The following USP34 variants were observed in gnomAD, a reference collection of about 807,000 sequenced individuals.
USP34 encodes ubiquitin specific peptidase 34.
A neutral mutation model predicts 460.3 loss-of-function variants in USP34; 70 were observed. That is an observed-to-expected ratio of 0.15 (90% CI 0.13 to 0.19). The LOEUF (loss-of-function observed/expected upper bound fraction) is 0.19, where lower values mean the gene tolerates loss of function less well. Ranked by LOEUF, USP34 falls within the 10% of genes least tolerant of loss-of-function variation. The probability of loss-of-function intolerance (pLI) is 1.00; values close to 1 mark genes in which losing one functional copy is unlikely to be tolerated. For missense variants in USP34, 3,985 were observed against 4,236.2 expected, an observed-to-expected ratio of 0.94 and a Z score of 1.65; for synonymous variants, 1,647 against 1,405.3, an observed-to-expected ratio of 1.17 and a Z score of -3.85.
intron 10 of USP34, among the ~76,000 whole-genome samples, chr2:61,360,795 A>G (rs190603459): frequency 1.0e-3 from 156 of 152,236 alleles, no homozygotes; most frequent in Middle Eastern, 3.4e-3. Flanking sequence ...AGCTGGGACT[A>G]CAGGGACGTA....
At chr2:61,344,525 A>T (rs968147010) in intron 15 of USP34, among the ~76,000 whole-genome samples, 4 of 152,244 alleles carry the variant, frequency 2.6e-5, no homozygotes, top group African/African-American at 9.6e-5. Context: ...AAAATGATTT[A>T]AAAAATCGAA....
chr2:61,405,260 AAG>A (rs1693836951), intron 3 of USP34, among the ~76,000 whole-genome samples: 1 of 149,476 alleles, frequency 6.7e-6, no homozygotes, highest in Admixed American at 6.7e-5. Context: ...AAAAAAAAGA[AAG>A]AAAGAAAGAA....
intron 41 of USP34, among the ~76,000 whole-genome samples, chr2:61,267,355 T>C (rs1033442233): frequency 6.6e-6 from 1 of 152,172 alleles, no homozygotes; most frequent in Admixed American, 6.5e-5. Flanking sequence ...ACCTCACCTC[T>C]TTCATCTATT....
intron 41 of USP34, 51 bp downstream of exon 41, chr2:61,278,114 A>G: frequency 1.9e-6 from 3 of 1,597,904 alleles, no homozygotes; most frequent in Non-Finnish European, 2.6e-6. Flanking sequence ...ATGTAACAAC[A>G]AAAAATTTCA....
At chr2:61,369,103 A>C (rs1302265705) in intron 10 of USP34, among the ~76,000 whole-genome samples, 1 of 152,234 alleles carries the variant, frequency 6.6e-6, no homozygotes, top group African/African-American at 2.4e-5. Context: ...CGCAAATTTA[A>C]AATACCAATG....
intron 1 of USP34, among the ~76,000 whole-genome samples, chr2:61,449,939 G>A (rs376700534): frequency 1.3e-5 from 2 of 152,206 alleles, no homozygotes; most frequent in Non-Finnish European, 2.9e-5. Context: ...GGTGGCGCAC[G>A]CCTGTAGTCC....
rs913104813 is a variant in USP34, at chr2:61,236,679, T to C, written c.6778-290A>G. On this transcript the variant is annotated intron_variant, in intron 53 of 79. Transcript: ENST00000398571. ...TCCTATTTGAAGAGCAAGTATATAA[T>C]TGAATGAAATATAAGTCATGTTACA... 1.9e-4 allele frequency among the ~76,000 whole-genome samples: 29 copies of C among 152,320 alleles called. 1 individual carries two copies. The highest frequency in any genetic ancestry group is 4.6e-4 in the Admixed American group (7 of 15,308).
chr2:61,317,817 C>T (rs1027664968), intron 22 of USP34, 50 bp from the exon 23 acceptor site: 2 of 1,365,538 alleles, frequency 1.5e-6, no homozygotes, highest in Non-Finnish European at 2.0e-6. Context: ...TGGTAATTCA[C>T]AGATTTTATT....
At position 61,296,866 on chromosome 2, in the gene USP34, C is replaced by G. The variant is rs750846172; in HGVS notation, c.4188G>C (p.Glu1396Asp). The change falls in exon 30 of 80, where the codon GAG becomes GAC. Residue 1396 changes from glutamate (E) to aspartate (D), a missense_variant. Coordinates refer to ENST00000398571, the MANE Select transcript of USP34 (RefSeq NM_014709.4). The stretch of plus-strand genomic sequence containing the variant: ...GACATGTAGGAAGAAGCATCAGTAG[C>G]TCCCAGACCCGCCTAGACAGATTTT... Reference protein sequence around the residue: ...HAENLSRRVWELLMLLPTCPN... With the variant: ...HAENLSRRVWDLLMLLPTCPN... The G allele has an allele frequency of 2.5e-6, 4 of 1,613,960 alleles. No homozygotes were observed. The South Asian group carries it at 4.4e-5, about 18-fold the overall frequency.
chr2:61,205,499 C>T (rs935691365), intron 72 of USP34, among the ~76,000 whole-genome samples: 6 of 151,644 alleles, frequency 4.0e-5, no homozygotes, highest in South Asian at 4.2e-4. Context: ...TACGGTCTCT[C>T]GAGAAGTTTC....
intron 2 of USP34, among the ~76,000 whole-genome samples, chr2:61,416,132 A>G (rs1383631555): frequency 6.6e-6 from 1 of 152,246 alleles, no homozygotes; most frequent in Non-Finnish European, 1.5e-5. Context: ...TGTATGAGCT[A>G]ATTTATGAAA....
chr2:61,378,507 G>A (rs1374606315), intron 7 of USP34, 83 bp from the exon 8 acceptor site: 1 of 833,064 alleles, frequency 1.2e-6, no homozygotes, highest in African/African-American at 1.7e-5. Flanking sequence ...ATGGTAAACT[G>A]ATTGACATAT....
chr2:61,323,748 C>T (rs1040842161), intron 21 of USP34, among the ~76,000 whole-genome samples: 1 of 152,252 alleles, frequency 6.6e-6, no homozygotes, highest in South Asian at 2.1e-4. Flanking sequence ...CTTAAATGTT[C>T]ATGGTATCTA....
At chr2:61,216,030 C>G (rs562259835) in intron 67 of USP34, among the ~76,000 whole-genome samples, 1 of 152,200 alleles carries the variant, frequency 6.6e-6, no homozygotes, top group African/African-American at 2.4e-5. Flanking sequence ...CCTATTCTAA[C>G]TATAACTTGA....
In USP34 at chr2:61,188,935, T is replaced by G; in HGVS notation, c.10008A>C (p.Gln3336His). The G allele has an allele frequency of 6.2e-7, 1 of 1,614,246 alleles. No homozygotes were observed. The highest frequency in any genetic ancestry group is 8.5e-7 in the Non-Finnish European group (1 of 1,180,044). The change falls in exon 79 of 80, where the codon CAA (glutamine) becomes CAC (histidine). Residue 3336 changes from glutamine to histidine, a missense_variant. Physicochemically the swap from Gln to His is conservative, Grantham distance 24. Coordinates refer to ENST00000398571, the MANE Select transcript of USP34 (RefSeq NM_014709.4). ...CTTTAGTTTTTCTTTCTTTGGCTTC[T>G]TGCTCTTGGAGTGAGTTTCTCTGTT... ...CLQQRNSLQE[Q>H]EAKERKTKDD...
intron 1 of USP34, among the ~76,000 whole-genome samples, chr2:61,431,915 C>G (rs182451969): frequency 6.6e-6 from 1 of 152,060 alleles, no homozygotes; most frequent in Non-Finnish European, 1.5e-5. Flanking sequence ...GTTCCCAACA[C>G]AAAGAATGAT....
chr2:61,213,355 G>A (rs565322441), intron 68 of USP34, among the ~76,000 whole-genome samples: 1 of 152,054 alleles, frequency 6.6e-6, no homozygotes, highest in Non-Finnish European at 1.5e-5. Flanking sequence ...TTCTTCCCAG[G>A]TGTGAGATTC....
intron 18 of USP34, among the ~76,000 whole-genome samples, chr2:61,334,933 A>G (rs1691372591): frequency 6.6e-6 from 1 of 152,204 alleles, no homozygotes; most frequent in Non-Finnish European, 1.5e-5. Context: ...AAGATTATCT[A>G]AAAACTTCCA....
At chr2:61,358,180 C>A (rs765803325) in intron 10 of USP34, among the ~76,000 whole-genome samples, 4 of 131,334 alleles carry the variant, frequency 3.0e-5, no homozygotes, top group African/African-American at 7.8e-5. Flanking sequence ...CAAGACAGAG[C>A]GAGATTCCAT....
Sources: allele counts gnomAD v4.1 joint callset (sites outside exome capture counted in the v4.1 genomes callset), GRCh38; gene constraint gnomAD v4.1.1; transcripts MANE v1.5; gene names NCBI Gene and HGNC (gene_info 2026-07-23, HGNC 2026-07-21).